The following LIPT1 variants were observed in gnomAD, a reference collection of about 807,000 sequenced individuals.
The protein encoded by LIPT1 is lipoyl amidotransferase LIPT1, mitochondrial.
Under a neutral mutation model 25.1 loss-of-function variants are expected in LIPT1, and 22 were observed. The observed-to-expected ratio is 0.88, with a 90% CI of 0.63 to 1.25. The LOEUF (loss-of-function observed/expected upper bound fraction) is 1.25, where lower values mean the gene tolerates loss of function less well. LIPT1 is among the 50% of genes most tolerant of loss of function. The pLI, the probability that LIPT1 is intolerant of heterozygous loss-of-function variation, is 0.00. For missense variants in LIPT1, 399 were observed against 432.8 expected, an observed-to-expected ratio of 0.92 and a Z score of 0.69; for synonymous variants, 131 against 150.8, an observed-to-expected ratio of 0.87 and a Z score of 0.96.
Position 99,162,565 on chromosome 2 carries a change from A to G in LIPT1, c.608A>G (p.Asn203Ser). The G allele has an allele frequency of 6.2e-7, 1 of 1,614,160 alleles. No homozygotes were observed. The highest frequency in any genetic ancestry group is 8.5e-7 in the Non-Finnish European group (1 of 1,180,034). ...AGCCCTTACCAAGGGATCAGGAGCA[A>G]TGCCACTGCTAGCATACCTTCCTTA... ...LKSPYQGIRS[N>S]ATASIPSLVK... The change falls in exon 2 of 2, where the codon AAT (asparagine) becomes AGT (serine). Residue 203 changes from asparagine (N) to serine (S), a missense_variant. By Grantham distance (46) the Asn-to-Ser change is conservative (BLOSUM62 1). Coordinates refer to ENST00000651691, the MANE Select transcript of LIPT1 (RefSeq NM_145199.3).
Position 99,154,972 on chromosome 2 carries a change from C to T in LIPT1, c.-81C>T, listed in dbSNP as rs889847747. The T allele has an allele frequency of 8.8e-6, 4 of 455,814 alleles. No homozygotes were observed. Among genetic ancestry groups the T allele is most frequent in the Middle Eastern group, 3.3e-4 (1 of 3,012 alleles). The allele number at this position is 455,814 out of a possible 1,614,324, so 28.2% of individuals were successfully genotyped here. ...GGCGGGGCAGCATCGCGCGCAAGGC[C>T]TGCCGGTTGCTCGGGGTCGTATGAC... is the stretch of plus-strand genomic sequence containing the variant. On this transcript the variant is annotated 5_prime_UTR_variant, in exon 1 of 2. Coordinates refer to ENST00000651691, the MANE Select transcript of LIPT1 (RefSeq NM_145199.3).
chr2:99,159,400 C>CTG (rs1268873366), intron 1 of LIPT1, among the ~76,000 whole-genome samples: 1 of 151,700 alleles, frequency 6.6e-6, no homozygotes, highest in Non-Finnish European at 1.5e-5. Context: ...CCATCCCCTT[C>CTG]TCTCTCTCTC....
chr2:99,161,728 A>G, intron 1 of LIPT1: 1 of 449,970 alleles, frequency 2.2e-6, no homozygotes, highest in Non-Finnish European at 3.9e-6. Context: ...TTATTGTTTG[A>G]AAACTGTGAA....
chr2:99,161,327 T>TATATATATATAC (rs2093790594), intron 1 of LIPT1: 1 of 100,186 alleles, frequency 1.0e-5, no homozygotes, highest in Non-Finnish European at 1.9e-5. Flanking sequence ...TATATATATA[T>TATATATATATAC]ATATATATAT....
intron 1 of LIPT1, among the ~76,000 whole-genome samples, chr2:99,158,004 G>A (rs1188885865): frequency 6.6e-6 from 1 of 152,172 alleles, no homozygotes; most frequent in African/African-American, 2.4e-5. Flanking sequence ...TTTCTTCAGT[G>A]CCAGGCACTC....
At chr2:99,160,746 T>C (rs1444371876) in intron 1 of LIPT1, among the ~76,000 whole-genome samples, 1 of 152,188 alleles carries the variant, frequency 6.6e-6, no homozygotes, top group Non-Finnish European at 1.5e-5. Context: ...TAAGTTAATA[T>C]TGATCTAAAT....
chr2:99,162,308 C>A lies in LIPT1; in HGVS notation c.351C>A (p.Phe117Leu), dbSNP rs1180042637. ...ATATGGGTAATATCAATTTGACTTT[C>A]TTTACAACCAAAAAAAAGTATGATA... The part of the protein sequence containing the change: ...YHDMGNINLT[F>L]FTTKKKYDRM... Residue 117 changes from phenylalanine (F) to leucine (L), a missense_variant, in exon 2 of 2, where the codon TTC becomes TTA. Physicochemically the swap from Phe to Leu is conservative, Grantham distance 22. Transcript: ENST00000651691. 5.6e-6 allele frequency: 9 copies of A among 1,612,820 alleles called. No individual in the cohort carries two copies. Among genetic ancestry groups the A allele is most frequent in the African/African-American group, 2.7e-5 (2 of 74,874 alleles).
chr2:99,162,648 G>C lies in LIPT1; in HGVS notation c.691G>C (p.Val231Leu), dbSNP rs140873370. 1.9e-6 allele frequency: 3 copies of C among 1,614,078 alleles called. No homozygotes were observed. The highest frequency in any genetic ancestry group is 2.5e-6 in the Non-Finnish European group (3 of 1,179,974). The change falls in exon 2 of 2, where the codon GTT (valine) becomes CTT (leucine). Residue 231 changes from valine (V) to leucine (L), a missense_variant. Physicochemically the swap from Val to Leu is conservative, Grantham distance 32 (BLOSUM62 1). Transcript: ENST00000651691. ...GACCTGTGAAGTACTAATGAATGCT[G>C]TTGCTACAGAGTATGCTGCTTATCA... ...TLTCEVLMNA[V>L]ATEYAAYHQI...
rs545318830 is a variant in LIPT1 at position 99,159,440 on chromosome 2, A to G, written c.-1-2517A>G. Among the ~76,000 whole-genome samples the G allele has an allele frequency of 2.6e-5, 4 of 152,098 alleles. No individual in the cohort carries two copies. In the South Asian group the frequency reaches 8.3e-4, roughly 32 times the overall value. On this transcript the variant is annotated intron_variant, in intron 1 of 1. Transcript: ENST00000651691. ...TCCTACCGTACTTTAGGCCCTCATT[A>G]TCTCTAGCATGGACAACTGCCTTAG... is the stretch of plus-strand genomic sequence containing the variant.
Position 99,162,671 on chromosome 2 carries a change from T to C in LIPT1, c.714T>C (p.Tyr238=). The change falls in exon 2 of 2, where the codon TAT becomes TAC. Residue 238 remains tyrosine, a synonymous_variant. Transcript: ENST00000651691. The part of the protein sequence containing the change: ...MNAVATEYAA[Y]HQIDNHIHLI... ...CTGTTGCTACAGAGTATGCTGCTTA[T>C]CATCAAATTGATAATCACATTCACC... is the stretch of plus-strand genomic sequence containing the variant. The C allele has an allele frequency of 6.2e-7, 1 of 1,614,132 alleles. No homozygotes were observed. The highest frequency in any genetic ancestry group is 8.5e-7 in the Non-Finnish European group (1 of 1,179,996).
chr2:99,156,086 A>T (rs775016003), intron 1 of LIPT1, among the ~76,000 whole-genome samples: 22 of 151,916 alleles, frequency 1.4e-4, no homozygotes, highest in Admixed American at 3.3e-4. Context: ...ATTTTTTCTT[A>T]TCTTTCGGGG....
At chr2:99,161,333 T>G (rs1412677708) in intron 1 of LIPT1, 2 of 103,310 alleles carry the variant, frequency 1.9e-5, no homozygotes, top group East Asian at 3.0e-4. Context: ...TATATATATA[T>G]ATATAGATTG....
rs759937226 is a variant in LIPT1, at chr2:99,154,994, T to A, written c.-59T>A. On this transcript the variant is annotated 5_prime_UTR_variant, in exon 1 of 2. It removes an upstream start codon present in the reference 5' UTR. Transcript: ENST00000651691. ...GGCCTGCCGGTTGCTCGGGGTCGTA[T>A]GACGCACTTTTCCAGCTCGAGCCCT... The A allele has an allele frequency of 2.6e-5, 12 of 455,994 alleles. No homozygotes were observed. The highest frequency in any genetic ancestry group is 1.5e-4 in the South Asian group (10 of 64,556). The allele number at this position is 455,994 out of a possible 1,614,324, so 28.2% of individuals were successfully genotyped here.
intron 1 of LIPT1, among the ~76,000 whole-genome samples, chr2:99,157,773 C>T (rs971276379): frequency 6.6e-6 from 1 of 152,138 alleles, no homozygotes; most frequent in Non-Finnish European, 1.5e-5. Context: ...AGTCTTATGT[C>T]GCAGGCCCTT....
chr2:99,158,343 G>A (rs893914550), intron 1 of LIPT1, among the ~76,000 whole-genome samples: 1 of 149,296 alleles, frequency 6.7e-6, no homozygotes, highest in Non-Finnish European at 1.5e-5. Context: ...CCTGTAATCC[G>A]AGTGCTTTAG....
chr2:99,158,688 G>A (rs940656923), intron 1 of LIPT1, among the ~76,000 whole-genome samples: 3 of 152,062 alleles, frequency 2.0e-5, no homozygotes, highest in African/African-American at 7.2e-5. Context: ...ATTTGCATGG[G>A]TCCTATCTCC....
intron 1 of LIPT1, among the ~76,000 whole-genome samples, chr2:99,156,065 C>T (rs2105181808): frequency 6.6e-6 from 1 of 152,276 alleles, no homozygotes; most frequent in Non-Finnish European, 1.5e-5. Flanking sequence ...CACTTTTTCT[C>T]ACTCTGTGTG....
chr2:99,162,014 C>T lies in LIPT1; in HGVS notation c.57C>T (p.Val19=), dbSNP rs150251923. 121 of 1,613,538 alleles carry T rather than the reference C, an allele frequency of 7.5e-5. No individual in the cohort carries two copies. In the East Asian group the frequency reaches 2.4e-3, roughly 32 times the overall value. The change falls in exon 2 of 2, where the codon GTC becomes GTT. Residue 19 remains valine, a synonymous_variant. Transcript: ENST00000651691. ...NCFQLLCNCQ[V]PAAGFKKTVK... is the part of the protein sequence containing the mutation. ...TCCAGTTACTTTGTAACTGCCAGGT[C>T]CCAGCAGCTGGCTTTAAAAAAACAG...
At position 99,155,046 on chromosome 2, in the gene LIPT1, C is replaced by G. The variant is rs781083239; in HGVS notation, c.-7C>G. The stretch of plus-strand genomic sequence containing the variant: ...ACGAGGCCGTGGGTACGACCGGAAG[C>G]CGCAGGTGGGTGAAGCGGAAACGCT... On this transcript the variant is annotated 5_prime_UTR_variant, in exon 1 of 2. Coordinates refer to ENST00000651691, the MANE Select transcript of LIPT1 (RefSeq NM_145199.3). 34 of 455,798 alleles carry G rather than the reference C, an allele frequency of 7.5e-5. No individual in the cohort carries two copies. Among genetic ancestry groups the G allele is most frequent in the South Asian group, 4.5e-4 (29 of 64,520 alleles). 28.2% of individuals were successfully genotyped at this position (455,798 alleles called of 1,614,324 possible). A position where few individuals can be genotyped will look rare whatever the true frequency, so the allele number is the denominator to read the frequency against.
Sources: gnomAD v4.1 joint callset for allele counts (sites outside exome capture counted in the v4.1 genomes callset) on GRCh38, gnomAD v4.1.1 for gene constraint, MANE v1.5 for transcripts, NCBI Gene and HGNC (gene_info 2026-07-23, HGNC 2026-07-21) for gene names.